The following GSE1 variants were observed in gnomAD, a reference collection of about 807,000 sequenced individuals.
GSE1 encodes Gse1 coiled-coil protein, also known as genetic suppressor element 1.
GSE1 carries 32 observed loss-of-function variants against 112.6 expected under a neutral mutation model. That is an observed-to-expected ratio of 0.28 (90% CI 0.21 to 0.38). The LOEUF is 0.38. GSE1 is among the 10% of genes least tolerant of loss of function. The pLI, the probability that GSE1 is intolerant of heterozygous loss-of-function variation, is 1.00. For missense variants in GSE1, 2,348 were observed against 1,699.2 expected (o/e 1.38, Z -6.71); for synonymous variants, 1,115 against 735.6 (o/e 1.52, Z -8.35).
At chr16:85,582,202 G>A (rs556177109) in intron 1 of GSE1, 2 of 152,360 alleles carry the variant, frequency 1.3e-5, no homozygotes, top group South Asian at 2.1e-4. Context: ...CTTAGCACCC[G>A]AACGGGGCTC....
intron 1 of GSE1, among the ~76,000 whole-genome samples, chr16:85,564,160 T>G (rs558722759): frequency 1.3e-5 from 2 of 152,246 alleles, no homozygotes; most frequent in African/African-American, 4.8e-5. Context: ...CTTAGAAGCA[T>G]CCTGGCAGAG....
chr16:85,170,772 C>T, exon 1 of GSE1: 6 of 985,514 alleles, frequency 6.1e-6, no homozygotes, highest in Non-Finnish European at 7.2e-6. Context: ...TCAGCGAGGG[C>T]GGCAGTACCT....
At chr16:85,323,770 C>A (rs2046166992) in intron 1 of GSE1, among the ~76,000 whole-genome samples, 1 of 152,158 alleles carries the variant, frequency 6.6e-6, no homozygotes, top group African/African-American at 2.4e-5. Context: ...TTCCACGCTC[C>A]CCCATTGCCA....
At chr16:85,331,341 G>GTATATATATATA (rs1567692415) in intron 1 of GSE1, among the ~76,000 whole-genome samples, 6 of 100,570 alleles carry the variant, frequency 6.0e-5, no homozygotes, top group African/African-American at 2.3e-4. Context: ...GTGTGTGTGT[G>GTATATATATATA]TGTGTGTGTG....
chr16:85,452,937 C>G (rs2151807185), intron 2 of GSE1, among the ~76,000 whole-genome samples: 1 of 152,306 alleles, frequency 6.6e-6, no homozygotes, highest in African/African-American at 2.4e-5. Context: ...ACCCTGTGGG[C>G]ACTGAGGGTC....
chr16:85,601,921 G>C (rs1472327565), intron 1 of GSE1, among the ~76,000 whole-genome samples: 2 of 152,212 alleles, frequency 1.3e-5, no homozygotes, highest in African/African-American at 2.4e-5. Flanking sequence ...TTGATTGTCC[G>C]AGTGACAGTT....
chr16:85,216,481 T>G (rs946467125), intron 1 of GSE1, among the ~76,000 whole-genome samples: 2 of 152,244 alleles, frequency 1.3e-5, no homozygotes, highest in African/African-American at 4.8e-5. Context: ...CTGATTATAA[T>G]AATTCATAGC....
intron 2 of GSE1, among the ~76,000 whole-genome samples, chr16:85,475,354 G>A (rs1415561527): frequency 2.6e-5 from 4 of 152,202 alleles, no homozygotes; most frequent in Non-Finnish European, 5.9e-5. Flanking sequence ...GGGTGGGGTG[G>A]GACATCACCA....
chr16:85,642,672 T>C (rs555800228), intron 2 of GSE1, among the ~76,000 whole-genome samples: 29 of 152,350 alleles, frequency 1.9e-4, no homozygotes, highest in African/African-American at 7.0e-4. Context: ...CCAGGGACCC[T>C]CTTTAGGGAA....
At chr16:85,559,301 C>T (rs1235930677) in intron 1 of GSE1, among the ~76,000 whole-genome samples, 1 of 152,234 alleles carries the variant, frequency 6.6e-6, no homozygotes, top group African/African-American at 2.4e-5. Context: ...TCAGCAATTG[C>T]CCAGCTTGGG....
At chr16:85,301,382 G>C (rs973678329) in intron 1 of GSE1, among the ~76,000 whole-genome samples, 2 of 152,182 alleles carry the variant, frequency 1.3e-5, no homozygotes, top group Non-Finnish European at 2.9e-5. Flanking sequence ...TCTGGGAGGC[G>C]GGTTCCTGGG....
intron 2 of GSE1, among the ~76,000 whole-genome samples, chr16:85,388,680 G>C (rs2047763409): frequency 6.6e-6 from 1 of 151,012 alleles, no homozygotes; most frequent in African/African-American, 2.5e-5. Context: ...GGATGGATGG[G>C]TAGATGGGTG....
intron 1 of GSE1, among the ~76,000 whole-genome samples, chr16:85,577,829 AC>A (rs2046290612): frequency 6.6e-6 from 1 of 151,786 alleles, no homozygotes; most frequent in African/African-American, 2.4e-5. Context: ...CCCCTTTTCC[AC>A]TCCAGTCCTC....
chr16:85,443,982 CTTTTTTTTTTTTT>C (rs67916368), intron 2 of GSE1, among the ~76,000 whole-genome samples: 1 of 77,620 alleles, frequency 1.3e-5, no homozygotes, highest in South Asian at 6.3e-4. Flanking sequence ...CAAGGGGGCG[CTTTTTTTTTTTTT>C]TTTTTTTTGA....
Position 85,288,923 on chromosome 16 carries a change from G to C in GSE1, c.2284-68540G>C, listed in dbSNP as rs576787774. ...CCCAGCCTGGGCTCTATGGGCCTGA[G>C]AAATGGTGTGCCTAGCACTAGGACA... On this transcript the variant is annotated intron_variant, in intron 1 of 2. Transcript: ENST00000637419. Among the ~76,000 whole-genome samples the C allele has an allele frequency of 1.4e-4, 22 of 152,290 alleles. 1 individual carries two copies. Among genetic ancestry groups the C allele is most frequent in the African/African-American group, 5.3e-4 (22 of 41,562 alleles).
intron 1 of GSE1, among the ~76,000 whole-genome samples, chr16:85,222,047 G>A (rs1324373142): frequency 1.3e-5 from 2 of 152,170 alleles, no homozygotes; most frequent in Non-Finnish European, 2.9e-5. Context: ...TGGGAGCCTG[G>A]GGTACGCAGG....
chr16:85,236,037 G>GCTGGGA (rs1904623212), intron 1 of GSE1, among the ~76,000 whole-genome samples: 1 of 151,888 alleles, frequency 6.6e-6, no homozygotes, highest in African/African-American at 2.4e-5. Context: ...TGGGGCTGGG[G>GCTGGGA]CTGGGGCTGG....
At chr16:85,184,263 A>C (rs1463182856) in intron 1 of GSE1, among the ~76,000 whole-genome samples, 7 of 152,180 alleles carry the variant, frequency 4.6e-5, no homozygotes, top group Non-Finnish European at 8.8e-5. Flanking sequence ...CTTGTCTCAG[A>C]ACCAATGCCT....
At chr16:85,529,317 C>T (rs1030052039) in intron 2 of GSE1, among the ~76,000 whole-genome samples, 1 of 152,230 alleles carries the variant, frequency 6.6e-6, no homozygotes, top group Non-Finnish European at 1.5e-5. Flanking sequence ...GGGGCAGAGT[C>T]TCTGGGTTGC....
Sources: allele counts gnomAD v4.1 joint callset (sites outside exome capture counted in the v4.1 genomes callset), GRCh38; gene constraint gnomAD v4.1.1; transcripts MANE v1.5; gene names NCBI Gene and HGNC (gene_info 2026-07-23, HGNC 2026-07-21).